PRPSAP2: variants seen among roughly 807,000 people sequenced by gnomAD.
PRPSAP2 encodes the protein phosphoribosyl pyrophosphate synthase-associated protein 2.
In PRPSAP2, 24 loss-of-function variants were observed where a neutral mutation model predicts 40.6. That is an observed-to-expected ratio of 0.59 (90% CI 0.43 to 0.83). The LOEUF is 0.83. Ranked by LOEUF, PRPSAP2 falls within the 40% of genes least tolerant of loss-of-function variation. The probability of loss-of-function intolerance (pLI) is 0.00; values close to 1 mark genes in which losing one functional copy is unlikely to be tolerated. For missense variants in PRPSAP2, 292 were observed against 465.6 expected (o/e 0.63, Z 3.43); for synonymous variants, 149 against 164.7 (o/e 0.90, Z 0.73).
Position 18,911,258 on chromosome 17 carries a change from G to A in PRPSAP2, c.733+7G>A, listed in dbSNP as rs2040941767. 6.2e-7 allele frequency: 1 copy of A among 1,600,268 alleles called. No individual in the cohort carries two copies. The highest frequency in any genetic ancestry group is 1.3e-5 in the African/African-American group (1 of 74,680). ...CCCAGCCTGGAGATCCCCAGTAAGT[G>A]TGCTGCTGCCTCTTTCCCACTTTCC... On this transcript the variant is annotated splice_region_variant and intron_variant, in intron 9 of 11. Coordinates refer to ENST00000268835, the MANE Select transcript of PRPSAP2 (RefSeq NM_002767.4). This position sits in a 1 kb window ranked among gnomAD's most constrained non-coding sequence, Gnocchi z 4.5.
intron 7 of PRPSAP2, 79 bp downstream of exon 7, chr17:18,882,762 T>A: frequency 2.2e-6 from 2 of 906,984 alleles, no homozygotes; most frequent in Non-Finnish European, 3.5e-6. Flanking sequence ...AGGATACCCC[T>A]AAAGGATTAA....
chr17:18,875,846 T>C (rs1156490857), intron 5 of PRPSAP2, among the ~76,000 whole-genome samples: 3 of 116,894 alleles, frequency 2.6e-5, no homozygotes, highest in Admixed American at 9.6e-5. Flanking sequence ...AGAGTGAGAC[T>C]CTGTCTCAAA....
chr17:18,888,903 A>G (rs1451390788), intron 7 of PRPSAP2, among the ~76,000 whole-genome samples: 2 of 152,234 alleles, frequency 1.3e-5, no homozygotes, highest in Non-Finnish European at 2.9e-5. Flanking sequence ...CCGTAGAGAC[A>G]ATAGACTTGT....
intron 9 of PRPSAP2, among the ~76,000 whole-genome samples, chr17:18,920,217 C>T (rs767738271): frequency 1.3e-5 from 2 of 152,134 alleles, no homozygotes; most frequent in South Asian, 2.1e-4. Context: ...TGATGAGGAA[C>T]GCGTTGGCAG....
intron 8 of PRPSAP2, among the ~76,000 whole-genome samples, chr17:18,898,541 A>G (rs999189923): frequency 2.6e-5 from 4 of 152,150 alleles, no homozygotes; most frequent in African/African-American, 9.7e-5. Context: ...CTTGAAGGAC[A>G]TCGTTGCTGG....
intron 4 of PRPSAP2, among the ~76,000 whole-genome samples, chr17:18,871,880 G>A (rs2037909150): frequency 1.3e-5 from 2 of 151,904 alleles, no homozygotes; most frequent in South Asian, 2.1e-4. Flanking sequence ...GGCTGGTCTC[G>A]AACTCCTAAC....
intron 3 of PRPSAP2, among the ~76,000 whole-genome samples, chr17:18,866,742 G>A (rs1645067012): frequency 6.6e-6 from 1 of 151,946 alleles, no homozygotes; most frequent in South Asian, 2.1e-4. Flanking sequence ...TTTTAGTATG[G>A]GAGCCAAACA....
chr17:18,859,854 C>G (rs2036870275), intron 1 of PRPSAP2: 1 of 151,612 alleles, frequency 6.6e-6, no homozygotes, highest in Non-Finnish European at 1.5e-5. Context: ...AAGCGATTCT[C>G]CTGCCTCAGC....
At chr17:18,863,831 C>CTTTTTTTTTTTTT (rs34770102) in intron 1 of PRPSAP2, among the ~76,000 whole-genome samples, 20 of 86,042 alleles carry the variant, frequency 2.3e-4, no homozygotes, top group Non-Finnish European at 3.2e-4. Context: ...ACTGCGTGGC[C>CTTTTTTTTTTTTT]TTTTTTTTTT....
chr17:18,889,892 C>T lies in PRPSAP2; in HGVS notation c.584+15C>T. 1 of 1,606,390 alleles carries T rather than the reference C, an allele frequency of 6.2e-7. No homozygotes were observed. The highest frequency in any genetic ancestry group is 8.5e-7 in the Non-Finnish European group (1 of 1,174,532). ...TCGGCGAAGAGGTAGGTGGGAATCT[C>T]ACAACCTCTTTCTGGATCTACTTCT... On this transcript the variant is annotated intron_variant, in intron 8 of 11. Coordinates refer to ENST00000268835, the MANE Select transcript of PRPSAP2 (RefSeq NM_002767.4).
At chr17:18,924,848 A>T (rs2041888310) in intron 10 of PRPSAP2, among the ~76,000 whole-genome samples, 1 of 148,982 alleles carries the variant, frequency 6.7e-6, no homozygotes. Context: ...AGCTGGGCAC[A>T]GTGGCTCATG....
chr17:18,879,126 T>C (rs1481707256), intron 6 of PRPSAP2, among the ~76,000 whole-genome samples: 1 of 152,138 alleles, frequency 6.6e-6, no homozygotes, highest in Non-Finnish European at 1.5e-5. Context: ...TGCTTTGGGC[T>C]CCTAAAATTC....
At chr17:18,906,764 C>T (rs1343950758) in intron 8 of PRPSAP2, among the ~76,000 whole-genome samples, 1 of 149,910 alleles carries the variant, frequency 6.7e-6, no homozygotes, top group Non-Finnish European at 1.5e-5. Context: ...CCAGGCTGGT[C>T]TTGAACTCCT....
intron 5 of PRPSAP2, among the ~76,000 whole-genome samples, chr17:18,876,538 T>C (rs1401426953): frequency 6.6e-6 from 1 of 152,224 alleles, no homozygotes; most frequent in Non-Finnish European, 1.5e-5. Context: ...TGAATTACAG[T>C]TAGTTACACG....
chr17:18,868,742 G>C (rs547121767), intron 4 of PRPSAP2, among the ~76,000 whole-genome samples: 2 of 133,034 alleles, frequency 1.5e-5, no homozygotes, highest in African/African-American at 5.6e-5. Flanking sequence ...TTTTTTGGTA[G>C]AACAAGGGTC....
At chr17:18,898,678 T>G (rs983337668) in intron 8 of PRPSAP2, among the ~76,000 whole-genome samples, 7 of 152,212 alleles carry the variant, frequency 4.6e-5, no homozygotes, top group African/African-American at 1.7e-4. Flanking sequence ...AGATTATTTC[T>G]TTGTCTTTAG....
At chr17:18,893,324 A>G (rs2039698131) in intron 8 of PRPSAP2, among the ~76,000 whole-genome samples, 1 of 151,272 alleles carries the variant, frequency 6.6e-6, no homozygotes, top group Non-Finnish European at 1.5e-5. Flanking sequence ...AATTTTTTGT[A>G]TTTTTTAGTA....
intron 9 of PRPSAP2, among the ~76,000 whole-genome samples, chr17:18,913,901 C>T (rs1287760776): frequency 2.0e-5 from 3 of 151,454 alleles, no homozygotes; most frequent in Non-Finnish European, 2.9e-5. Flanking sequence ...GGTGGCTGGG[C>T]GCGGCGGCTC....
intron 8 of PRPSAP2, among the ~76,000 whole-genome samples, chr17:18,899,007 C>T (rs564912346): frequency 2.0e-4 from 30 of 152,112 alleles, no homozygotes; most frequent in South Asian, 1.7e-3. Flanking sequence ...TGGGTTCAAG[C>T]GATTCTCCTG....
Sources: allele counts gnomAD v4.1 joint callset (sites outside exome capture counted in the v4.1 genomes callset), GRCh38; gene constraint gnomAD v4.1.1; non-coding constraint Gnocchi (gnomAD v3.1); transcripts MANE v1.5; gene names NCBI Gene and HGNC (gene_info 2026-07-23, HGNC 2026-07-21).